KIF21A: variants seen among roughly 807,000 people sequenced by gnomAD.
KIF21A encodes the protein kinesin family member 21A, also known as kinesin-like protein KIF21A.
A neutral mutation model predicts 202.9 loss-of-function variants in KIF21A; 114 were observed. The observed-to-expected ratio is 0.56, with a 90% CI of 0.48 to 0.66. KIF21A has a LOEUF of 0.66. Among genes scored for constraint, KIF21A ranks in the 30% least tolerant of loss-of-function variants. KIF21A has a pLI of 0.00. For missense variants in KIF21A, 1,677 were observed against 1,994.9 expected, an observed-to-expected ratio of 0.84 and a Z score of 3.04; for synonymous variants, 667 against 670.8, an observed-to-expected ratio of 0.99 and a Z score of 0.09.
intron 1 of KIF21A, among the ~76,000 whole-genome samples, chr12:39,373,335 C>A (rs1324361156): frequency 6.6e-6 from 1 of 152,158 alleles, no homozygotes; most frequent in Non-Finnish European, 1.5e-5. Context: ...CTTCTCCACC[C>A]TTTCAATTCC....
At chr12:39,334,200 C>CAAAAAAA (rs576176350) in intron 17 of KIF21A, among the ~76,000 whole-genome samples, 32 of 63,634 alleles carry the variant, frequency 5.0e-4, no homozygotes, top group African/African-American at 7.7e-4. Flanking sequence ...GACTCCATCT[C>CAAAAAAA]AAAAAAAAAA....
Position 39,370,130 on chromosome 12 carries a change from G to A in KIF21A, c.176C>T (p.Ser59Phe). The A allele has an allele frequency of 6.2e-7, 1 of 1,613,484 alleles. No individual in the cohort carries two copies. The highest frequency in any genetic ancestry group is 8.5e-7 in the Non-Finnish European group (1 of 1,179,578). Residue 59 changes from serine (S) to phenylalanine (F), a missense_variant, in exon 2 of 38, where the codon TCC becomes TTC. Ser to Phe is a radical substitution (Grantham distance 155). This residue lies in a region of KIF21A where 966 missense variants were observed against 1,180.9 expected (regional missense o/e 0.82). Coordinates refer to ENST00000361418, the MANE Select transcript of KIF21A (RefSeq NM_001173464.2). ...FTFDYVFDID[S>F]QQEQIYIQCI... is the part of the protein sequence containing the mutation. Reference sequence around the variant, plus strand: ...TTGAATGTAGATCTGCTCTTGCTGGGAGTCAATGTCAAATACATAGTCAAA... The same window carrying A: ...TTGAATGTAGATCTGCTCTTGCTGGAAGTCAATGTCAAATACATAGTCAAA...
rs371874658 is a variant in KIF21A, at chr12:39,359,372, C to A, written c.1020-999G>T. On this transcript the variant is annotated intron_variant, in intron 7 of 37. Transcript: ENST00000361418. Reference sequence around the variant, plus strand: ...ACCTTTTGGATATCTCTTTTGCATTCTTTATATTATTATTATATTGAAATT... The same window carrying A: ...ACCTTTTGGATATCTCTTTTGCATTATTTATATTATTATTATATTGAAATT... Among the ~76,000 whole-genome samples, 11 of 152,200 alleles carry A rather than the reference C, an allele frequency of 7.2e-5. No individual in the cohort carries two copies. The East Asian group carries it at 1.5e-3, about 21-fold the overall frequency.
At chr12:39,303,525 A>T (rs1011903760) in intron 35 of KIF21A, among the ~76,000 whole-genome samples, 1 of 152,118 alleles carries the variant, frequency 6.6e-6, no homozygotes, top group Non-Finnish European at 1.5e-5. Context: ...AATTAAATTA[A>T]CCTGGCATGA....
chr12:39,436,671 A>C (rs1938837385), intron 1 of KIF21A, among the ~76,000 whole-genome samples: 1 of 151,134 alleles, frequency 6.6e-6, no homozygotes, highest in South Asian at 2.1e-4. Context: ...TAACCTCAAA[A>C]ATTATTCTTA....
At chr12:39,386,122 C>A (rs1440568215) in intron 1 of KIF21A, among the ~76,000 whole-genome samples, 1 of 152,134 alleles carries the variant, frequency 6.6e-6, no homozygotes, top group South Asian at 2.1e-4. Flanking sequence ...TCCTTATTAA[C>A]AAAATCTTTG....
intron 32 of KIF21A, among the ~76,000 whole-genome samples, chr12:39,310,576 C>T (rs1012174855): frequency 1.3e-5 from 2 of 152,002 alleles, no homozygotes; most frequent in African/African-American, 4.8e-5. Flanking sequence ...TTTTTCAACC[C>T]AAGTAGAATT....
In KIF21A at chr12:39,392,498, CT is replaced by C. The variant is rs370970783; in HGVS notation, c.45-22238del. ...GAAGGAGCTTTCACAAGAACATTTTCTTTTATAATCCAGTGGTCATTCCTTT... is the reference window on the plus strand; with the variant it reads ...GAAGGAGCTTTCACAAGAACATTTTCTTTATAATCCAGTGGTCATTCCTTT... On this transcript the variant is annotated intron_variant, in intron 1 of 37. Transcript: ENST00000361418. 3.9e-3 allele frequency among the ~76,000 whole-genome samples: 589 copies of C among 152,206 alleles called. 3 individuals carry two copies. Among genetic ancestry groups the C allele is most frequent in the African/African-American group, 0.013 (559 of 41,520 alleles).
chr12:39,405,470 A>G (rs1465584344), intron 1 of KIF21A, among the ~76,000 whole-genome samples: 1 of 152,228 alleles, frequency 6.6e-6, no homozygotes, highest in Non-Finnish European at 1.5e-5. Context: ...TTGCCAAAAT[A>G]ATTGCAACAT....
chr12:39,376,087 A>G (rs1050941435), intron 1 of KIF21A, among the ~76,000 whole-genome samples: 24 of 152,094 alleles, frequency 1.6e-4, no homozygotes, highest in African/African-American at 5.3e-4. Context: ...CTGTTGCTGT[A>G]TTTTTTAAAT....
chr12:39,348,131 T>A (rs1592267848), intron 11 of KIF21A, among the ~76,000 whole-genome samples: 1 of 152,058 alleles, frequency 6.6e-6, no homozygotes, highest in Non-Finnish European at 1.5e-5. Context: ...TAAATTGCCT[T>A]TTTAAAAACC....
intron 27 of KIF21A, among the ~76,000 whole-genome samples, chr12:39,320,649 T>G (rs1284196763): frequency 2.7e-5 from 4 of 148,280 alleles, no homozygotes; most frequent in Non-Finnish European, 6.0e-5. Flanking sequence ...AAAAAAAAAG[T>G]CTGGGCCAGG....
intron 24 of KIF21A, among the ~76,000 whole-genome samples, chr12:39,328,088 G>A (rs1443500610): frequency 2.0e-5 from 3 of 152,036 alleles, no homozygotes; most frequent in African/African-American, 7.2e-5. Flanking sequence ...CCTTAGAAAG[G>A]CCTGCTTGGA....
chr12:39,345,107 G>A (rs1370108236), intron 12 of KIF21A, among the ~76,000 whole-genome samples: 1 of 152,130 alleles, frequency 6.6e-6, no homozygotes, highest in Non-Finnish European at 1.5e-5. Context: ...ATCCCTAGGA[G>A]ATCTGTACAC....
At chr12:39,318,475 A>T (rs1268995717) in intron 28 of KIF21A, among the ~76,000 whole-genome samples, 3 of 152,222 alleles carry the variant, frequency 2.0e-5, no homozygotes, top group African/African-American at 7.2e-5. Flanking sequence ...ATTTAAAATT[A>T]TACAATTTTA....
At chr12:39,309,909 T>C (rs1340428359) in intron 32 of KIF21A, 143 bp from the exon 33 acceptor site, 1 of 734,100 alleles carries the variant, frequency 1.4e-6, no homozygotes, top group African/African-American at 1.8e-5. Context: ...GATCCTAACT[T>C]CATCCTTGAC....
intron 1 of KIF21A, among the ~76,000 whole-genome samples, chr12:39,424,862 T>C (rs901524604): frequency 1.3e-5 from 2 of 152,172 alleles, no homozygotes; most frequent in African/African-American, 4.8e-5. Context: ...GAAATGCATA[T>C]TAGATCATGT....
At chr12:39,334,325 T>C (rs1043744240) in intron 17 of KIF21A, among the ~76,000 whole-genome samples, 2 of 152,166 alleles carry the variant, frequency 1.3e-5, no homozygotes, top group Non-Finnish European at 2.9e-5. Context: ...AGTTTAAGAA[T>C]GACAGTTCAC....
intron 1 of KIF21A, among the ~76,000 whole-genome samples, chr12:39,432,731 C>T (rs1938122130): frequency 6.6e-6 from 1 of 152,108 alleles, no homozygotes; most frequent in African/African-American, 2.4e-5. Flanking sequence ...TTCCGCCAGC[C>T]TCCCAAGTAG....
Sources: gnomAD v4.1 joint callset for allele counts (sites outside exome capture counted in the v4.1 genomes callset) on GRCh38, gnomAD v4.1.1 for gene constraint, gnomAD v4.1.1 regional missense constraint, MANE v1.5 for transcripts, NCBI Gene and HGNC (gene_info 2026-07-23, HGNC 2026-07-21) for gene names.